Variants in ITPRIPL2 observed in about 807,000 individuals in gnomAD.
The protein encoded by ITPRIPL2 is inositol 1,4,5-trisphosphate receptor-interacting protein-like 2.
A neutral mutation model predicts 31.7 loss-of-function variants in ITPRIPL2; 29 were observed. That is an observed-to-expected ratio of 0.91 (90% CI 0.68 to 1.25). The LOEUF (loss-of-function observed/expected upper bound fraction) is 1.25, where lower values mean the gene tolerates loss of function less well. ITPRIPL2 is among the 50% of genes most tolerant of loss of function. ITPRIPL2 has a pLI of 0.00. For synonymous variants in ITPRIPL2, 344 were observed against 343.4 expected (o/e 1.00, Z -0.02); for missense variants, 696 against 739.1 (o/e 0.94, Z 0.68).
In ITPRIPL2 at chr16:19,114,473, C is replaced by T; in HGVS notation, c.12C>T (p.His4=). Residue 4 remains histidine (H), a synonymous_variant, in exon 1 of 1, where the codon CAC becomes CAT. Coordinates refer to ENST00000381440, the MANE Select transcript of ITPRIPL2 (RefSeq NM_001034841.4). The stretch of plus-strand genomic sequence containing the variant: ...CCCGGGCGCCCGGCATGTCGGTGCA[C>T]TACACCCTCAATCTACGCGTCTTCT... MSV[H]YTLNLRVFWP... 1 of 1,439,192 alleles carries T rather than the reference C, an allele frequency of 6.9e-7. No homozygotes were observed. The highest frequency in any genetic ancestry group is 9.1e-7 in the Non-Finnish European group (1 of 1,095,552). 89.2% of individuals were successfully genotyped at this position (1,439,192 alleles called of 1,614,324 possible).
chr16:19,120,547 G>T lies in ITPRIPL2; in HGVS notation c.*4478G>T, dbSNP rs551476145. 1 of 140,444 alleles carries T rather than the reference G, an allele frequency of 7.1e-6. No homozygotes were observed. The highest frequency in any genetic ancestry group is 2.7e-5 in the African/African-American group (1 of 37,546). 8.7% of individuals were successfully genotyped at this position (140,444 alleles called of 1,614,324 possible). Reference sequence around the variant, plus strand: ...CTCCTCCCAGGTTCAAGTGATTCTTGGGCCTTAGCCTCCCGAGTAGCTGGG... The same window carrying T: ...CTCCTCCCAGGTTCAAGTGATTCTTTGGCCTTAGCCTCCCGAGTAGCTGGG... On this transcript the variant is annotated 3_prime_UTR_variant, in exon 1 of 1. Coordinates refer to ENST00000381440, the MANE Select transcript of ITPRIPL2 (RefSeq NM_001034841.4).
chr16:19,114,220 C>T lies in ITPRIPL2; in HGVS notation c.-242C>T, dbSNP rs1393425823. ...CGCTGGGCCGGACTCAGCGCGCAGC[C>T]GGGGCAGGGCGCGGCCCGGGGCCCG... On this transcript the variant is annotated 5_prime_UTR_variant, in exon 1 of 1. Transcript: ENST00000381440. The T allele has an allele frequency of 2.2e-5, 7 of 322,104 alleles. No individual in the cohort carries two copies. Among genetic ancestry groups the T allele is most frequent in the East Asian group, 1.5e-4 (3 of 20,346 alleles). The allele number at this position is 322,104 out of a possible 1,614,324, so 20.0% of individuals were successfully genotyped here.
At position 19,115,088 on chromosome 16, in the gene ITPRIPL2, C is replaced by G. The variant is rs200493379; in HGVS notation, c.627C>G (p.Cys209Trp). The G allele has an allele frequency of 8.1e-6, 13 of 1,599,746 alleles. No individual in the cohort carries two copies. Among genetic ancestry groups the G allele is most frequent in the Admixed American group, 1.7e-5 (1 of 59,970 alleles). Residue 209 changes from cysteine (C) to tryptophan (W), a missense_variant, in exon 1 of 1, where the codon TGC (cysteine) becomes TGG (tryptophan). By Grantham distance (215) the Cys-to-Trp change is radical. Transcript: ENST00000381440. ...CGGCCTTCCGCGGCTGCTTCTTGTG[C>G]GCCCTCAAGGCACCACCCTCACCAT... is the stretch of plus-strand genomic sequence containing the variant. The part of the protein sequence containing the change: ...LAPAFRGCFL[C>W]ALKAPPSPSG...
chr16:19,119,242 T>G lies in ITPRIPL2; in HGVS notation c.*3173T>G. 2.4e-6 allele frequency: 1 copy of G among 409,006 alleles called. No individual in the cohort carries two copies. The highest frequency in any genetic ancestry group is 4.5e-6 in the Non-Finnish European group (1 of 223,992). The allele number at this position is 409,006 out of a possible 1,614,324, so 25.3% of individuals were successfully genotyped here. A position where few individuals can be genotyped will look rare whatever the true frequency, so the allele number is the denominator to read the frequency against. ...TCCAAAGACCTGGGGAAGGAGGACT[T>G]AAGATGAAAGTGAAGCAAGAGAGGG... On this transcript the variant is annotated 3_prime_UTR_variant, in exon 1 of 1. Transcript: ENST00000381440.
Position 19,115,700 on chromosome 16 carries a change from A to G in ITPRIPL2, c.1239A>G (p.Ala413=). The G allele has an allele frequency of 6.2e-7, 1 of 1,612,882 alleles. No individual in the cohort carries two copies. Among genetic ancestry groups the G allele is most frequent in the Non-Finnish European group, 8.5e-7 (1 of 1,179,938 alleles). The change falls in exon 1 of 1, where the codon GCA becomes GCG. Residue 413 remains alanine, a synonymous_variant. Coordinates refer to ENST00000381440, the MANE Select transcript of ITPRIPL2 (RefSeq NM_001034841.4). ...ATGTGCTCAAGACAGTGCTGCTGGC[A>G]GTGCTGCTGCGCAAGGGGGCCCCTG... ...SSYVLKTVLL[A]VLLRKGAPGQ...
chr16:19,115,316 GC>G lies in ITPRIPL2; in HGVS notation c.861del (p.Thr288ProfsTer62), dbSNP rs761512894. ...CCTTGACCCCAGGTGGCCTGGAACA[GC>G]CCCCCACCTTACACATCTTGCCCTG... ...VTLTPGGLEQ[P>X]PTLHILPCRT... On this transcript the variant is annotated frameshift_variant, in exon 1 of 1. Coordinates refer to ENST00000381440, the MANE Select transcript of ITPRIPL2 (RefSeq NM_001034841.4). LOFTEE classifies it high-confidence loss of function. The G allele has an allele frequency of 1.9e-6, 3 of 1,613,068 alleles. No homozygotes were observed. Among genetic ancestry groups the G allele is most frequent in the South Asian group, 1.1e-5 (1 of 91,088 alleles).
Position 19,115,963 on chromosome 16 carries a change from A to G in ITPRIPL2, c.1502A>G (p.Gln501Arg), listed in dbSNP as rs1187769089. The G allele has an allele frequency of 6.2e-7, 1 of 1,613,056 alleles. No homozygotes were observed. Among genetic ancestry groups the G allele is most frequent in the Non-Finnish European group, 8.5e-7 (1 of 1,179,862 alleles). The change falls in exon 1 of 1, where the codon CAA (glutamine) becomes CGA (arginine). Residue 501 changes from glutamine to arginine, a missense_variant. By Grantham distance (43) the Gln-to-Arg change is conservative. Coordinates refer to ENST00000381440, the MANE Select transcript of ITPRIPL2 (RefSeq NM_001034841.4). ...LAAARLLSTW[Q>R]RLPQLLRAYG... is the part of the protein sequence containing the mutation. ...GCAGCGCGGTTGCTGTCCACGTGGC[A>G]AAGGCTGCCCCAGCTTCTCCGGGCC... is the stretch of plus-strand genomic sequence containing the variant.
At position 19,114,434 on chromosome 16, in the gene ITPRIPL2, T is replaced by TCGG. The variant is rs1373877179; in HGVS notation, c.-26_-24dup. ...CGCCGGGGCTTGCCCCCTGGGCTGCTCGGCCACCGCCGCCCCGGGCGCCCG... is the reference window on the plus strand; with the variant it reads ...CGCCGGGGCTTGCCCCCTGGGCTGCTCGGCGGCCACCGCCGCCCCGGGCGCCCG... On this transcript the variant is annotated 5_prime_UTR_variant, in exon 1 of 1. Transcript: ENST00000381440. 1.4e-6 allele frequency: 2 copies of TCGG among 1,386,540 alleles called. No homozygotes were observed. Among genetic ancestry groups the TCGG allele is most frequent in the African/African-American group, 3.0e-5 (2 of 65,676 alleles). The allele number at this position is 1,386,540 out of a possible 1,614,324, so 85.9% of individuals were successfully genotyped here. A position where few individuals can be genotyped will look rare whatever the true frequency, so the allele number is the denominator to read the frequency against.
In ITPRIPL2 at chr16:19,115,797, C is replaced by T; in HGVS notation, c.1336C>T (p.Leu446=). 2 of 1,612,972 alleles carry T rather than the reference C, an allele frequency of 1.2e-6. No individual in the cohort carries two copies. Among genetic ancestry groups the T allele is most frequent in the Non-Finnish European group, 1.7e-6 (2 of 1,179,970 alleles). The change falls in exon 1 of 1, where the codon CTG becomes TTG. Residue 446 remains leucine (L), a synonymous_variant. Transcript: ENST00000381440. ...ELVQFLRDCL[L]RRHTLFHCVL... is the part of the protein sequence containing the mutation. ...GGTGCAGTTCCTTAGGGACTGCCTG[C>T]TGCGACGCCATACGCTCTTCCACTG...
At position 19,115,439 on chromosome 16, in the gene ITPRIPL2, G is replaced by A. The variant is rs542127813; in HGVS notation, c.978G>A (p.Pro326=). The A allele has an allele frequency of 1.3e-4, 217 of 1,610,058 alleles. 1 individual carries two copies. The South Asian group carries it at 1.6e-3, about 12-fold the overall frequency. The change falls in exon 1 of 1, where the codon CCG becomes CCA. Residue 326 remains proline, a synonymous_variant. Coordinates refer to ENST00000381440, the MANE Select transcript of ITPRIPL2 (RefSeq NM_001034841.4). ...GDGVFLVAPP[P]PPLPSAPLLE... is the part of the protein sequence containing the mutation. Reference sequence around the variant, plus strand: ...GGGTCTTCCTTGTGGCGCCACCACCGCCACCCTTGCCCAGCGCGCCCCTGT... The same window carrying A: ...GGGTCTTCCTTGTGGCGCCACCACCACCACCCTTGCCCAGCGCGCCCCTGT...
rs1350673372 is a variant in ITPRIPL2, at chr16:19,115,840, G to A, written c.1379G>A (p.Gly460Glu). 1 of 1,612,568 alleles carries A rather than the reference G, an allele frequency of 6.2e-7. No individual in the cohort carries two copies. The highest frequency in any genetic ancestry group is 8.5e-7 in the Non-Finnish European group (1 of 1,179,882). Residue 460 changes from glycine (G) to glutamate (E), a missense_variant, in exon 1 of 1, where the codon GGG becomes GAG. Transcript: ENST00000381440. Reference sequence around the variant, plus strand: ...TTCCACTGCGTCCTGGGCCCTGGTGGGGCGGCTGCCGAGGTGGGTCCCCTG... The same window carrying A: ...TTCCACTGCGTCCTGGGCCCTGGTGAGGCGGCTGCCGAGGTGGGTCCCCTG... Reference protein sequence around the residue: ...TLFHCVLGPGGAAAEVGPLPK... With the variant: ...TLFHCVLGPGEAAAEVGPLPK...
rs189095792 is a variant in ITPRIPL2 at position 19,120,874 on chromosome 16, G to C, written c.*4805G>C. 1 of 166,956 alleles carries C rather than the reference G, an allele frequency of 6.0e-6. No individual in the cohort carries two copies. The highest frequency in any genetic ancestry group is 1.9e-4 in the East Asian group (1 of 5,178). The allele number at this position is 166,956 out of a possible 1,614,324, so 10.3% of individuals were successfully genotyped here. ...GAGCATCTCATGTAACCTCTATGGA[G>C]TAAGTCACTTTTTCTGTAACATGTG... On this transcript the variant is annotated 3_prime_UTR_variant, in exon 1 of 1. Transcript: ENST00000381440.
chr16:19,118,689 T>G lies in ITPRIPL2; in HGVS notation c.*2620T>G, dbSNP rs3760088. ...ATAAATTGTGCATTGTATTTGTGAA[T>G]TTTTAAAATATTACTGTTTTATTTA... On this transcript the variant is annotated 3_prime_UTR_variant, in exon 1 of 1. Coordinates refer to ENST00000381440, the MANE Select transcript of ITPRIPL2 (RefSeq NM_001034841.4). 0.035 allele frequency: 9,627 copies of G among 277,744 alleles called. 664 individuals are homozygous for G. The highest frequency in any genetic ancestry group is 0.14 in the African/African-American group (6,571 of 45,584). 17.2% of individuals were successfully genotyped at this position (277,744 alleles called of 1,614,324 possible). A position where few individuals can be genotyped will look rare whatever the true frequency, so the allele number is the denominator to read the frequency against.
At position 19,117,184 on chromosome 16, in the gene ITPRIPL2, G is replaced by C; in HGVS notation, c.*1115G>C. The C allele has an allele frequency of 6.0e-6, 1 of 167,250 alleles. No individual in the cohort carries two copies. 10.4% of individuals were successfully genotyped at this position (167,250 alleles called of 1,614,324 possible). A position where few individuals can be genotyped will look rare whatever the true frequency, so the allele number is the denominator to read the frequency against. ...ATGAGCTAATGAAGAGGAAATGCCT[G>C]CTGCTTAGCATGTGGTTTGTGCTGG... is the stretch of plus-strand genomic sequence containing the variant. On this transcript the variant is annotated 3_prime_UTR_variant, in exon 1 of 1. Coordinates refer to ENST00000381440, the MANE Select transcript of ITPRIPL2 (RefSeq NM_001034841.4).
rs368594072 is a variant in ITPRIPL2 at position 19,116,085 on chromosome 16, C to G, written c.*16C>G. 25 of 1,547,538 alleles carry G rather than the reference C, an allele frequency of 1.6e-5. No homozygotes were observed. The African/African-American group carries it at 3.0e-4, about 19-fold the overall frequency. Reference sequence around the variant, plus strand: ...TGAACCGTAAACCCTGACAGCACCCCCACCTGACCAAATGCTCCTAAAGCC... The same window carrying G: ...TGAACCGTAAACCCTGACAGCACCCGCACCTGACCAAATGCTCCTAAAGCC... On this transcript the variant is annotated 3_prime_UTR_variant, in exon 1 of 1. Coordinates refer to ENST00000381440, the MANE Select transcript of ITPRIPL2 (RefSeq NM_001034841.4).
Position 19,115,895 on chromosome 16 carries a change from T to C in ITPRIPL2, c.1434T>C (p.Val478=), listed in dbSNP as rs199560911. 6.2e-7 allele frequency: 1 copy of C among 1,612,016 alleles called. No homozygotes were observed. The highest frequency in any genetic ancestry group is 1.3e-5 in the African/African-American group (1 of 75,058). ...LPKALREAAP[V]DLLAAFDGHA... ...AGGCACTGAGGGAAGCCGCCCCAGT[T>C]GACCTCCTGGCCGCTTTCGACGGGC... The change falls in exon 1 of 1, where the codon GTT becomes GTC. Residue 478 remains valine (V), a synonymous_variant. Transcript: ENST00000381440.
Position 19,114,371 on chromosome 16 carries a change from G to C in ITPRIPL2, c.-91G>C, listed in dbSNP as rs1963401604. Reference sequence around the variant, plus strand: ...CGGAGGAGGAGACGGGGACAGCGGGGCTGCCCGGGCGCTGTGCGCATGCTG... The same window carrying C: ...CGGAGGAGGAGACGGGGACAGCGGGCCTGCCCGGGCGCTGTGCGCATGCTG... On this transcript the variant is annotated 5_prime_UTR_variant, in exon 1 of 1. Coordinates refer to ENST00000381440, the MANE Select transcript of ITPRIPL2 (RefSeq NM_001034841.4). 1.9e-6 allele frequency: 2 copies of C among 1,038,428 alleles called. No individual in the cohort carries two copies. The highest frequency in any genetic ancestry group is 2.5e-6 in the Non-Finnish European group (2 of 804,898). The allele number at this position is 1,038,428 out of a possible 1,614,324, so 64.3% of individuals were successfully genotyped here. A position where few individuals can be genotyped will look rare whatever the true frequency, so the allele number is the denominator to read the frequency against.
Position 19,115,430 on chromosome 16 carries a change from G to T in ITPRIPL2, c.969G>T (p.Ala323=). 3.7e-6 allele frequency: 6 copies of T among 1,610,252 alleles called. No individual in the cohort carries two copies. Among genetic ancestry groups the T allele is most frequent in the Non-Finnish European group, 4.2e-6 (5 of 1,179,986 alleles). Residue 323 remains alanine, a synonymous_variant, in exon 1 of 1, where the codon GCG becomes GCT. Coordinates refer to ENST00000381440, the MANE Select transcript of ITPRIPL2 (RefSeq NM_001034841.4). ...VHLGDGVFLV[A]PPPPPLPSAP... is the part of the protein sequence containing the mutation. Reference sequence around the variant, plus strand: ...TGGGAGATGGGGTCTTCCTTGTGGCGCCACCACCGCCACCCTTGCCCAGCG... The same window carrying T: ...TGGGAGATGGGGTCTTCCTTGTGGCTCCACCACCGCCACCCTTGCCCAGCG...
rs905310602 is a variant in ITPRIPL2 at position 19,118,540 on chromosome 16, A to ATAGTGTT, written c.*2473_*2479dup. Reference sequence around the variant, plus strand: ...GCAGTGTCAGTGAGTTCCTCTTTTAATAGTGTTTTAAAGTATAAATCTGGT... The same window carrying ATAGTGTT: ...GCAGTGTCAGTGAGTTCCTCTTTTAATAGTGTTTAGTGTTTTAAAGTATAAATCTGGT... On this transcript the variant is annotated 3_prime_UTR_variant, in exon 1 of 1. Transcript: ENST00000381440. 6.0e-6 allele frequency: 1 copy of ATAGTGTT among 166,810 alleles called. No homozygotes were observed. The highest frequency in any genetic ancestry group is 1.5e-5 in the Non-Finnish European group (1 of 68,246). The allele number at this position is 166,810 out of a possible 1,614,324, so 10.3% of individuals were successfully genotyped here.
Sources: allele counts gnomAD v4.1 joint callset, GRCh38; gene constraint gnomAD v4.1.1; transcripts MANE v1.5; gene names NCBI Gene and HGNC (gene_info 2026-07-23, HGNC 2026-07-21).